Variants in LSM11 observed in about 807,000 individuals in gnomAD.
LSM11 encodes the protein U7 snRNA-associated Sm-like protein LSm11.
LSM11 carries 14 observed loss-of-function variants against 28.1 expected under a neutral mutation model. The ratio of observed to expected loss-of-function variants is 0.50; its 90% CI spans 0.33 to 0.78. The LOEUF (loss-of-function observed/expected upper bound fraction) is 0.78, where lower values mean the gene tolerates loss of function less well. Among genes scored for constraint, LSM11 ranks in the 30% least tolerant of loss-of-function variants. LSM11 has a pLI of 0.02. For missense variants in LSM11, 495 were observed against 510.6 expected, an observed-to-expected ratio of 0.97 and a Z score of 0.30; for synonymous variants, 207 against 214.2, an observed-to-expected ratio of 0.97 and a Z score of 0.30.
At position 157,755,869 on chromosome 5, in the gene LSM11, G is replaced by T. The variant is rs1761318414; in HGVS notation, c.*605G>T. 2.5e-6 allele frequency: 1 copy of T among 397,468 alleles called. No homozygotes were observed. 24.6% of individuals were successfully genotyped at this position (397,468 alleles called of 1,614,324 possible). A position where few individuals can be genotyped will look rare whatever the true frequency, so the allele number is the denominator to read the frequency against. ...ATGCTCAAAGCAGCCAGCAATGAGT[G>T]CTCTGTTTTGATCCTTCTTCTTATT... On this transcript the variant is annotated 3_prime_UTR_variant, in exon 4 of 4. Transcript: ENST00000286307.
At position 157,751,516 on chromosome 5, in the gene LSM11, A is replaced by G; in HGVS notation, c.575A>G (p.Lys192Arg). Residue 192 changes from lysine to arginine, a missense_variant, in exon 2 of 4, where the codon AAG (lysine) becomes AGG (arginine). Physicochemically the swap from Lys to Arg is conservative, Grantham distance 26 (BLOSUM62 2). Coordinates refer to ENST00000286307, the MANE Select transcript of LSM11 (RefSeq NM_173491.4). The part of the protein sequence containing the change: ...VCTGFLVAFD[K>R]FWNMALTDVD... Reference sequence around the variant, plus strand: ...ACAGGCTTCCTTGTTGCATTCGACAAGTTCTGGAATATGGTAATTAAGCCT... The same window carrying G: ...ACAGGCTTCCTTGTTGCATTCGACAGGTTCTGGAATATGGTAATTAAGCCT... 1 of 1,612,198 alleles carries G rather than the reference A, an allele frequency of 6.2e-7. No homozygotes were observed. Among genetic ancestry groups the G allele is most frequent in the Non-Finnish European group, 8.5e-7 (1 of 1,179,304 alleles).
chr5:157,759,006 G>A lies in LSM11; in HGVS notation c.*3742G>A, dbSNP rs1262474945. 2 of 152,264 alleles carry A rather than the reference G, an allele frequency of 1.3e-5. No individual in the cohort carries two copies. The highest frequency in any genetic ancestry group is 1.5e-5 in the Non-Finnish European group (1 of 68,076). 9.4% of individuals were successfully genotyped at this position (152,264 alleles called of 1,614,324 possible). ...TGGGAAGTGTTTATGCTTCCTTCCAGGGACCATCTTATGATCAGAGGCAGG... is the reference window on the plus strand; with the variant it reads ...TGGGAAGTGTTTATGCTTCCTTCCAAGGACCATCTTATGATCAGAGGCAGG... On this transcript the variant is annotated 3_prime_UTR_variant, in exon 4 of 4. Coordinates refer to ENST00000286307, the MANE Select transcript of LSM11 (RefSeq NM_173491.4).
intron 1 of LSM11, among the ~76,000 whole-genome samples, chr5:157,746,162 C>T (rs1241667824): frequency 6.6e-6 from 1 of 152,212 alleles, no homozygotes; most frequent in African/African-American, 2.4e-5. Context: ...ACTCTAAACT[C>T]TGATTGGATA....
intron 3 of LSM11, 121 bp from the exon 4 acceptor site, chr5:157,754,733 A>AAAAATTGC: frequency 1.2e-6 from 1 of 827,740 alleles, no homozygotes; most frequent in Non-Finnish European, 1.8e-6. Context: ...CTAACTTTTA[A>AAAAATTGC]AAAATTGCAA....
intron 1 of LSM11, 92 bp downstream of exon 1, chr5:157,744,290 G>T: frequency 1.0e-6 from 1 of 989,482 alleles, no homozygotes; most frequent in South Asian, 3.9e-5. Flanking sequence ...GGCCGGGCGC[G>T]GGTCTGCACG....
At chr5:157,751,635 T>G in intron 2 of LSM11, 106 bp downstream of exon 2, 1 of 1,283,584 alleles carries the variant, frequency 7.8e-7, no homozygotes, top group Non-Finnish European at 1.1e-6. Flanking sequence ...AAAAAATAAC[T>G]TCTTAGAAGA....
Position 157,759,322 on chromosome 5 carries a change from C to T in LSM11, c.*4058C>T, listed in dbSNP as rs1761376619. On this transcript the variant is annotated 3_prime_UTR_variant, in exon 4 of 4. Transcript: ENST00000286307. ...AAAAATTGAGATGTACCATTTCTAC[C>T]CTTTGAGAAAAAAGAAATAGAAACT... The T allele has an allele frequency of 6.6e-6, 1 of 152,040 alleles. No homozygotes were observed. The highest frequency in any genetic ancestry group is 2.1e-4 in the South Asian group (1 of 4,828). The allele number at this position is 152,040 out of a possible 1,614,324, so 9.4% of individuals were successfully genotyped here. A position where few individuals can be genotyped will look rare whatever the true frequency, so the allele number is the denominator to read the frequency against.
intron 1 of LSM11, among the ~76,000 whole-genome samples, chr5:157,746,734 ACCCTGTC>A (rs1761153622): frequency 6.6e-6 from 1 of 152,120 alleles, no homozygotes; most frequent in East Asian, 1.9e-4. Context: ...ACGTGGTGAA[ACCCTGTC>A]TCTACTAAAA....
chr5:157,759,324 T>A lies in LSM11; in HGVS notation c.*4060T>A, dbSNP rs1050525311. The A allele has an allele frequency of 5.3e-5, 8 of 152,146 alleles. No homozygotes were observed. The highest frequency in any genetic ancestry group is 1.9e-4 in the African/African-American group (8 of 41,434). The allele number at this position is 152,146 out of a possible 1,614,324, so 9.4% of individuals were successfully genotyped here. On this transcript the variant is annotated 3_prime_UTR_variant, in exon 4 of 4. Coordinates refer to ENST00000286307, the MANE Select transcript of LSM11 (RefSeq NM_173491.4). ...AAATTGAGATGTACCATTTCTACCC[T>A]TTGAGAAAAAAGAAATAGAAACTTA...
At position 157,751,539 on chromosome 5, in the gene LSM11, C is replaced by T. The variant is rs768530464; in HGVS notation, c.588+10C>T. Reference sequence around the variant, plus strand: ...CAAGTTCTGGAATATGGTAATTAAGCCTTTCTCAAGGGGCTGGAGAACCTC... The same window carrying T: ...CAAGTTCTGGAATATGGTAATTAAGTCTTTCTCAAGGGGCTGGAGAACCTC... On this transcript the variant is annotated intron_variant, in intron 2 of 3. Transcript: ENST00000286307. 1.4e-5 allele frequency: 22 copies of T among 1,610,978 alleles called. 1 individual carries two copies. In the Admixed American group the frequency reaches 3.4e-4, roughly 25 times the overall value.
intron 1 of LSM11, among the ~76,000 whole-genome samples, chr5:157,745,658 T>C (rs1761135927): frequency 1.3e-5 from 2 of 152,200 alleles, no homozygotes; most frequent in African/African-American, 4.8e-5. Context: ...GCTTTCCCTA[T>C]AGAGCACTTT....
rs574058027 is a variant in LSM11 at position 157,755,680 on chromosome 5, G to A, written c.*416G>A. The A allele has an allele frequency of 4.9e-6, 2 of 405,050 alleles. No individual in the cohort carries two copies. Among genetic ancestry groups the A allele is most frequent in the Admixed American group, 8.4e-5 (2 of 23,932 alleles). The allele number at this position is 405,050 out of a possible 1,614,324, so 25.1% of individuals were successfully genotyped here. The stretch of plus-strand genomic sequence containing the variant: ...AGTACTCATGAATTCGATTCCAAGA[G>A]TAGTGGTGTAAATTGCCTTGGAGCC... On this transcript the variant is annotated 3_prime_UTR_variant, in exon 4 of 4. Transcript: ENST00000286307.
At chr5:157,753,403 C>T (rs1249456879) in intron 2 of LSM11, among the ~76,000 whole-genome samples, 1 of 152,078 alleles carries the variant, frequency 6.6e-6, no homozygotes, top group African/African-American at 2.4e-5. Flanking sequence ...GGGTGATTTA[C>T]ACTTTTCAAA....
Position 157,751,564 on chromosome 5 carries a change from C to G in LSM11, c.588+35C>G, listed in dbSNP as rs1057090269. 1.9e-6 allele frequency: 3 copies of G among 1,551,008 alleles called. No individual in the cohort carries two copies. The African/African-American group carries it at 5.2e-5, about 27-fold the overall frequency. On this transcript the variant is annotated intron_variant, in intron 2 of 3. Transcript: ENST00000286307. ...CCTTTCTCAAGGGGCTGGAGAACCT[C>G]CTACAGATTATATCTTCTATAATAT...
At chr5:157,751,758 A>G (rs761730098) in intron 2 of LSM11, among the ~76,000 whole-genome samples, 23 of 152,202 alleles carry the variant, frequency 1.5e-4, no homozygotes, top group Non-Finnish European at 2.5e-4. Flanking sequence ...CTTCACTCCC[A>G]GGAACATTCA....
At position 157,751,423 on chromosome 5, in the gene LSM11, G is replaced by A. The variant is rs751133523; in HGVS notation, c.482G>A (p.Arg161His). Residue 161 changes from arginine (R) to histidine (H), a missense_variant, in exon 2 of 4, where the codon CGC (arginine) becomes CAC (histidine). Physicochemically the swap from Arg to His is conservative, Grantham distance 29 (BLOSUM62 0). Transcript: ENST00000286307. The stretch of plus-strand genomic sequence containing the variant: ...GGCAGCCCTCTGGGTGAACTCCATC[G>A]CTGTATCCGTGAGGGGGTGAAGGTG... ...HEGSPLGELH[R>H]CIREGVKVNV... is the part of the protein sequence containing the mutation. 1.9e-5 allele frequency: 30 copies of A among 1,609,716 alleles called. No homozygotes were observed. The highest frequency in any genetic ancestry group is 2.5e-5 in the Non-Finnish European group (29 of 1,178,398).
chr5:157,745,009 G>A (rs1042856090), intron 1 of LSM11, among the ~76,000 whole-genome samples: 2 of 152,168 alleles, frequency 1.3e-5, no homozygotes, highest in Non-Finnish European at 2.9e-5. Flanking sequence ...GTTATTTTAA[G>A]TTCTAAAGGT....
Position 157,756,367 on chromosome 5 carries a change from C to T in LSM11, c.*1103C>T, listed in dbSNP as rs1435490323. On this transcript the variant is annotated 3_prime_UTR_variant, in exon 4 of 4. Coordinates refer to ENST00000286307, the MANE Select transcript of LSM11 (RefSeq NM_173491.4). ...AACACCATAGCACCCACAAATACTT[C>T]TACTTGAATCATATTCTGTGCTTTT... The T allele has an allele frequency of 6.6e-6, 1 of 152,644 alleles. No individual in the cohort carries two copies. Among genetic ancestry groups the T allele is most frequent in the Non-Finnish European group, 1.5e-5 (1 of 68,042 alleles). The allele number at this position is 152,644 out of a possible 1,614,324, so 9.5% of individuals were successfully genotyped here.
intron 1 of LSM11, among the ~76,000 whole-genome samples, chr5:157,746,333 G>A (rs6895563): frequency 0.68 from 104,056 of 152,100 alleles, 36,153 homozygotes; most frequent in East Asian, 0.82. Context: ...GTAACAGCAA[G>A]AAGAAGCTTT....
Sources: gnomAD v4.1 joint callset for allele counts (sites outside exome capture counted in the v4.1 genomes callset) on GRCh38, gnomAD v4.1.1 for gene constraint, MANE v1.5 for transcripts, NCBI Gene and HGNC (gene_info 2026-07-23, HGNC 2026-07-21) for gene names.